TFDP2: variants seen among roughly 807,000 people sequenced by gnomAD.
The protein encoded by TFDP2 is transcription factor Dp-2, also known as transcription factor Dp-2 (E2F dimerization partner 2).
TFDP2 carries 17 observed loss-of-function variants against 59.3 expected under a neutral mutation model. The ratio of observed to expected loss-of-function variants is 0.29; its 90% CI spans 0.20 to 0.43. TFDP2 has a LOEUF of 0.43. Among genes scored for constraint, TFDP2 ranks in the 20% least tolerant of loss-of-function variants. The pLI is 1.00. For missense variants in TFDP2, 391 were observed against 528.8 expected, an observed-to-expected ratio of 0.74 and a Z score of 2.56; for synonymous variants, 180 against 194.7, an observed-to-expected ratio of 0.92 and a Z score of 0.63.
intron 3 of TFDP2, among the ~76,000 whole-genome samples, chr3:142,027,422 G>A (rs988680046): frequency 1.3e-5 from 2 of 151,908 alleles, no homozygotes; most frequent in Admixed American, 1.3e-4. Flanking sequence ...AACATCTGTT[G>A]CTTTTTTTCT....
chr3:142,017,678 G>A (rs1186887572), intron 3 of TFDP2, among the ~76,000 whole-genome samples: 1 of 149,488 alleles, frequency 6.7e-6, no homozygotes, highest in Non-Finnish European at 1.5e-5. Flanking sequence ...TCAGCCTCCT[G>A]AGTAGCTTGG....
chr3:142,043,269 G>C (rs1462162436), intron 3 of TFDP2, among the ~76,000 whole-genome samples: 7 of 145,570 alleles, frequency 4.8e-5, no homozygotes, highest in African/African-American at 1.5e-4. Context: ...GGATGGTCTC[G>C]ATCTCCTAAC....
chr3:142,002,004 T>G (rs1025122815), intron 4 of TFDP2, among the ~76,000 whole-genome samples: 2 of 151,050 alleles, frequency 1.3e-5, no homozygotes, highest in Admixed American at 1.3e-4. Context: ...TTTTTTTTTT[T>G]TTTTGTCTGA....
chr3:142,076,755 C>T (rs1313516711), intron 3 of TFDP2, among the ~76,000 whole-genome samples: 1 of 152,140 alleles, frequency 6.6e-6, no homozygotes, highest in East Asian at 1.9e-4. Flanking sequence ...AAATGTTTCT[C>T]AAACTTGAAA....
In TFDP2 at chr3:141,997,569, G is replaced by A. The variant is rs767269288; in HGVS notation, c.187-2428C>T. Among the ~76,000 whole-genome samples, 219 of 151,978 alleles carry A rather than the reference G, an allele frequency of 1.4e-3. 1 individual carries two copies. The highest frequency in any genetic ancestry group is 2.6e-3 in the Non-Finnish European group (177 of 67,994). ...AGGACTTTGTAGAAAAAAAAAAGGA[G>A]CTGGGCATGGTGGCTCATGCCTGTA... On this transcript the variant is annotated intron_variant, in intron 4 of 12. Coordinates refer to ENST00000489671, the MANE Select transcript of TFDP2 (RefSeq NM_001178139.2).
At position 142,079,696 on chromosome 3, in the gene TFDP2, C is replaced by T. The variant is rs59814252; in HGVS notation, c.82+13365G>A. 2.9e-3 allele frequency among the ~76,000 whole-genome samples: 442 copies of T among 152,268 alleles called. 5 individuals are homozygous for T. Among genetic ancestry groups the T allele is most frequent in the African/African-American group, 0.01 (417 of 41,558 alleles). On this transcript the variant is annotated intron_variant, in intron 3 of 12. Coordinates refer to ENST00000489671, the MANE Select transcript of TFDP2 (RefSeq NM_001178139.2). ...AAGCTCCAAAGCACCCGGCAGCAGA[C>T]TTTTCAGTGGAAACTTTACAGTCCA...
chr3:141,993,008 A>C (rs2108179657), intron 6 of TFDP2, among the ~76,000 whole-genome samples: 1 of 152,254 alleles, frequency 6.6e-6, no homozygotes, highest in East Asian at 1.9e-4. Context: ...TTGCTTAAGA[A>C]AGAAGCAAGT....
chr3:142,044,369 G>T (rs185872072), intron 3 of TFDP2, among the ~76,000 whole-genome samples: 2,602 of 151,692 alleles, frequency 0.017, 51 homozygotes, highest in Non-Finnish European at 0.024. Flanking sequence ...CCAAGTAGCT[G>T]GGACTACAGG....
rs1018333810 is a variant in TFDP2, at chr3:141,950,227, C to T, written c.*2286G>A. The T allele has an allele frequency of 6.6e-6, 1 of 152,126 alleles. No homozygotes were observed. The highest frequency in any genetic ancestry group is 2.4e-5 in the African/African-American group (1 of 41,408). The allele number at this position is 152,126 out of a possible 1,614,324, so 9.4% of individuals were successfully genotyped here. ...AGAGAATTGACCTTTCTGAACAGCT[C>T]AACCTAGTTTCTAAAGGCAAGATTT... On this transcript the variant is annotated 3_prime_UTR_variant, in exon 13 of 13. Transcript: ENST00000489671.
chr3:141,988,139 T>C (rs1942334755), intron 6 of TFDP2, among the ~76,000 whole-genome samples: 1 of 151,992 alleles, frequency 6.6e-6, no homozygotes, highest in African/African-American at 2.4e-5. Context: ...AGAGATGGTG[T>C]TTTGCCATGT....
At chr3:141,969,232 G>C (rs1205868411) in intron 9 of TFDP2, among the ~76,000 whole-genome samples, 1 of 65,830 alleles carries the variant, frequency 1.5e-5, no homozygotes, top group Admixed American at 1.8e-4. Context: ...ATATATATGA[G>C]ATATATATAT....
intron 11 of TFDP2, among the ~76,000 whole-genome samples, chr3:141,957,119 T>G (rs1169884737): frequency 6.6e-6 from 1 of 151,896 alleles, no homozygotes; most frequent in Non-Finnish European, 1.5e-5. Context: ...GAGTTCCAGA[T>G]CAGCCTGGCC....
chr3:142,144,278 G>A (rs1297983675), intron 1 of TFDP2, among the ~76,000 whole-genome samples: 1 of 151,900 alleles, frequency 6.6e-6, no homozygotes, highest in Non-Finnish European at 1.5e-5. Flanking sequence ...GGAGGTTGAG[G>A]CACAAGAATC....
In TFDP2 at chr3:141,949,786, G is replaced by A. The variant is rs1231806203; in HGVS notation, c.*2727C>T. ...CGTGCCACTATAACAAAGAAGCCTG[G>A]GCATTGTGACCACAACTTCCATTTT... On this transcript the variant is annotated 3_prime_UTR_variant, in exon 13 of 13. Coordinates refer to ENST00000489671, the MANE Select transcript of TFDP2 (RefSeq NM_001178139.2). The A allele has an allele frequency of 2.0e-5, 3 of 151,252 alleles. No individual in the cohort carries two copies. The highest frequency in any genetic ancestry group is 2.1e-4 in the South Asian group (1 of 4,782). The allele number at this position is 151,252 out of a possible 1,614,324, so 9.4% of individuals were successfully genotyped here. A position where few individuals can be genotyped will look rare whatever the true frequency, so the allele number is the denominator to read the frequency against.
Position 142,121,347 on chromosome 3 carries a change from CA to C in TFDP2, c.-92-19507del, listed in dbSNP as rs2062037683. Among the ~76,000 whole-genome samples, 1 of 152,136 alleles carries C rather than the reference CA, an allele frequency of 6.6e-6. No homozygotes were observed. The highest frequency in any genetic ancestry group is 1.5e-5 in the Non-Finnish European group (1 of 68,032). On this transcript the variant is annotated intron_variant, in intron 1 of 12. Transcript: ENST00000489671. This position sits in a 1 kb window ranked among gnomAD's most constrained non-coding sequence, Gnocchi z 4.3. Reference sequence around the variant, plus strand: ...AGCAAGACAAATGCATACAGTATAACATGCTAAAATACTACGACACTAGACA... The same window carrying C: ...AGCAAGACAAATGCATACAGTATAACTGCTAAAATACTACGACACTAGACA...
intron 1 of TFDP2, among the ~76,000 whole-genome samples, chr3:142,123,784 T>C (rs1394487808): frequency 6.6e-6 from 1 of 152,176 alleles, no homozygotes; most frequent in Non-Finnish European, 1.5e-5. Context: ...CCACTATTAT[T>C]TAACAGTGTT....
chr3:142,148,188 G>T (rs1241661753), intron 1 of TFDP2, among the ~76,000 whole-genome samples: 1 of 152,068 alleles, frequency 6.6e-6, no homozygotes, highest in Non-Finnish European at 1.5e-5. Context: ...GGAGACAGGG[G>T]AAGGAGAAGG....
At chr3:142,146,593 T>A (rs1332463073) in intron 1 of TFDP2, among the ~76,000 whole-genome samples, 4 of 152,146 alleles carry the variant, frequency 2.6e-5, no homozygotes, top group African/African-American at 7.2e-5. Flanking sequence ...AAAGTAACAG[T>A]GTAATGTGGT....
At chr3:142,088,762 T>A (rs1365676358) in intron 3 of TFDP2, among the ~76,000 whole-genome samples, 1 of 151,766 alleles carries the variant, frequency 6.6e-6, no homozygotes, top group Non-Finnish European at 1.5e-5. Flanking sequence ...AGGCATGAGC[T>A]ACTGTGCCCA....
Sources: gnomAD v4.1 joint callset for allele counts (sites outside exome capture counted in the v4.1 genomes callset) on GRCh38, gnomAD v4.1.1 for gene constraint, Gnocchi (gnomAD v3.1) non-coding constraint, MANE v1.5 for transcripts, NCBI Gene and HGNC (gene_info 2026-07-23, HGNC 2026-07-21) for gene names.